Variants in SLC39A10 observed in about 807,000 individuals in gnomAD.
SLC39A10 encodes the protein solute carrier family 39 member 10.
Under a neutral mutation model 65.1 loss-of-function variants are expected in SLC39A10, and 13 were observed. The ratio of observed to expected loss-of-function variants is 0.20; its 90% CI spans 0.13 to 0.32. The LOEUF is 0.32. Among genes scored for constraint, SLC39A10 ranks in the 10% least tolerant of loss-of-function variants. SLC39A10 has a pLI of 1.00. For synonymous variants in SLC39A10, 321 were observed against 342.2 expected (o/e 0.94, Z 0.68); for missense variants, 831 against 1,018.4 (o/e 0.82, Z 2.50).
At chr2:195,707,327 C>G (rs1253108808) in intron 4 of SLC39A10, among the ~76,000 whole-genome samples, 1 of 152,170 alleles carries the variant, frequency 6.6e-6, no homozygotes, top group Non-Finnish European at 1.5e-5. Context: ...TTAAAAGTTG[C>G]TCTCTATAAC....
chr2:195,619,370 T>C lies in SLC39A10; in HGVS notation c.-12+13137T>C, dbSNP rs1021599962. ...TGACCTTTCTAGCTTGTGCATGTGG[T>C]GCTGCTGAGAATCCAGAAGAATCCA... On this transcript the variant is annotated intron_variant, in intron 2 of 2. Coordinates refer to the SLC39A10 transcript ENST00000458054. Among the ~76,000 whole-genome samples, 6 of 152,292 alleles carry C rather than the reference T, an allele frequency of 3.9e-5. No individual in the cohort carries two copies. In the East Asian group the frequency reaches 1.2e-3, roughly 29 times the overall value.
At chr2:195,686,422 G>A (rs773055452) in intron 3 of SLC39A10, among the ~76,000 whole-genome samples, 8 of 151,960 alleles carry the variant, frequency 5.3e-5, no homozygotes, top group Non-Finnish European at 7.4e-5. Context: ...ATGGTGGTGC[G>A]GCCTGTAGTC....
At chr2:195,621,479 C>T (rs537691726) in intron 2 of SLC39A10, among the ~76,000 whole-genome samples, 1 of 152,218 alleles carries the variant, frequency 6.6e-6, no homozygotes, top group African/African-American at 2.4e-5. Context: ...CTGAATTCAG[C>T]GTAGGGGCAA....
intron 9 of SLC39A10, among the ~76,000 whole-genome samples, chr2:195,733,362 AGGTTTGGGT>A (rs999579005): frequency 6.6e-6 from 1 of 152,232 alleles, no homozygotes; most frequent in African/African-American, 2.4e-5. Context: ...ATTTTAGATT[AGGTTTGGGT>A]GGAAAGAATG....
intron 8 of SLC39A10, among the ~76,000 whole-genome samples, chr2:195,724,278 G>T (rs1692154770): frequency 1.3e-5 from 2 of 152,284 alleles, no homozygotes; most frequent in South Asian, 4.1e-4. Flanking sequence ...TTGTCAGCAG[G>T]AAGGAAAGAA....
At chr2:195,719,869 C>G (rs1358186583) in intron 8 of SLC39A10, among the ~76,000 whole-genome samples, 3 of 151,002 alleles carry the variant, frequency 2.0e-5, no homozygotes, top group Non-Finnish European at 4.4e-5. Flanking sequence ...CGGCTCACCT[C>G]AACCTCCGCC....
At chr2:195,729,822 A>G (rs1692374481) in intron 9 of SLC39A10, among the ~76,000 whole-genome samples, 1 of 152,002 alleles carries the variant, frequency 6.6e-6, no homozygotes, top group Non-Finnish European at 1.5e-5. Context: ...TTTTTGAGAC[A>G]GGGTCTCACT....
intron 2 of SLC39A10, among the ~76,000 whole-genome samples, chr2:195,648,727 A>G (rs527392310): frequency 2.6e-5 from 4 of 152,296 alleles, no homozygotes; most frequent in Admixed American, 1.3e-4. Context: ...AGAGTTAAGA[A>G]CAGAGACTCT....
At chr2:195,644,700 G>T (rs1476032639) in intron 2 of SLC39A10, among the ~76,000 whole-genome samples, 4 of 151,662 alleles carry the variant, frequency 2.6e-5, no homozygotes, top group Admixed American at 2.0e-4. Context: ...AGCTATTCAG[G>T]AGGCTGAGGT....
chr2:195,695,306 CA>C (rs1690907265), intron 3 of SLC39A10, among the ~76,000 whole-genome samples: 1 of 152,162 alleles, frequency 6.6e-6, no homozygotes, highest in Non-Finnish European at 1.5e-5. Flanking sequence ...ATGTGGTTCC[CA>C]GGCCAATGGA....
chr2:195,666,139 A>G (rs538908485), intron 1 of SLC39A10, among the ~76,000 whole-genome samples: 1 of 152,264 alleles, frequency 6.6e-6, no homozygotes, highest in East Asian at 1.9e-4. Flanking sequence ...TCAAGACTCT[A>G]TGTTCAAGAA....
intron 1 of SLC39A10, among the ~76,000 whole-genome samples, chr2:195,675,534 C>T (rs1690047676): frequency 6.6e-6 from 1 of 152,336 alleles, no homozygotes; most frequent in South Asian, 2.1e-4. Context: ...TTCCCGGGTT[C>T]ATGCCATTCT....
intron 3 of SLC39A10, among the ~76,000 whole-genome samples, chr2:195,703,679 G>T (rs1304407392): frequency 6.6e-6 from 1 of 151,778 alleles, no homozygotes; most frequent in African/African-American, 2.4e-5. Flanking sequence ...TGTGAGACAG[G>T]GTCTGACTCT....
chr2:195,655,917 G>A (rs185549158), upstream of SLC39A10, among the ~76,000 whole-genome samples: 88 of 152,266 alleles, frequency 5.8e-4, no homozygotes, highest in African/African-American at 1.9e-3. Flanking sequence ...TAATATGCAG[G>A]TTAGCGGGAC....
chr2:195,634,428 G>A (rs1195431545), intron 2 of SLC39A10, among the ~76,000 whole-genome samples: 2 of 151,844 alleles, frequency 1.3e-5, no homozygotes, highest in East Asian at 3.9e-4. Flanking sequence ...TATTTGATTT[G>A]CCTTCATATA....
intron 2 of SLC39A10, among the ~76,000 whole-genome samples, chr2:195,620,930 C>T (rs1320837840): frequency 6.6e-6 from 1 of 152,176 alleles, no homozygotes; most frequent in Non-Finnish European, 1.5e-5. Flanking sequence ...GATCGCTCAT[C>T]CATTTCCTCT....
chr2:195,633,639 A>G (rs1368134108), intron 2 of SLC39A10, among the ~76,000 whole-genome samples: 1 of 152,190 alleles, frequency 6.6e-6, no homozygotes, highest in Non-Finnish European at 1.5e-5. Flanking sequence ...TTTATTGCCA[A>G]TGGAAGTGCC....
At chr2:195,717,572 T>A (rs934079021) in intron 7 of SLC39A10, among the ~76,000 whole-genome samples, 5 of 152,088 alleles carry the variant, frequency 3.3e-5, no homozygotes, top group Admixed American at 3.3e-4. Context: ...GTTTTTGAAT[T>A]TACAGTAGCT....
chr2:195,723,210 T>C (rs1408492376), intron 8 of SLC39A10, among the ~76,000 whole-genome samples: 1 of 152,204 alleles, frequency 6.6e-6, no homozygotes, highest in Non-Finnish European at 1.5e-5. Flanking sequence ...GTTTGCTCTC[T>C]GGTGTGGTAA....
Sources: allele counts gnomAD v4.1 joint callset (sites outside exome capture counted in the v4.1 genomes callset), GRCh38; gene constraint gnomAD v4.1.1; transcripts MANE v1.5; gene names NCBI Gene and HGNC (gene_info 2026-07-23, HGNC 2026-07-21).